The following IL12RB1 variants were observed in gnomAD, a reference collection of about 807,000 sequenced individuals.
IL12RB1 encodes interleukin 12 receptor subunit beta 1, also known as interleukin-12 receptor subunit beta-1.
IL12RB1 carries 64 observed loss-of-function variants against 94.4 expected under a neutral mutation model. That is an observed-to-expected ratio of 0.68 (90% CI 0.55 to 0.83). The LOEUF (loss-of-function observed/expected upper bound fraction) is 0.83. Among genes scored for constraint, IL12RB1 ranks in the 40% least tolerant of loss-of-function variants. IL12RB1 has a pLI of 0.00. For synonymous variants in IL12RB1, 362 were observed against 355.5 expected (o/e 1.02, Z -0.21); for missense variants, 814 against 855.6 (o/e 0.95, Z 0.61).
Position 18,068,466 on chromosome 19 carries a change from G to T in IL12RB1, c.1250C>A (p.Thr417Asn), listed in dbSNP as rs754764047. 6.2e-6 allele frequency: 10 copies of T among 1,611,184 alleles called. No homozygotes were observed. In the South Asian group the frequency reaches 8.8e-5, roughly 14 times the overall value. Reference sequence around the variant, plus strand: ...CTCGGGGTGCGCAGAGGCAAAGATGGTAATGTAGTAACACTTTTCCTGCCC... The same window carrying T: ...CTCGGGGTGCGCAGAGGCAAAGATGTTAATGTAGTAACACTTTTCCTGCCC... Reference protein sequence around the residue: ...AMGQEKCYYITIFASAHPEKL... With the variant: ...AMGQEKCYYINIFASAHPEKL... The change falls in exon 11 of 17, where the codon ACC (threonine) becomes AAC (asparagine). Residue 417 changes from threonine (T) to asparagine (N), a missense_variant. Thr to Asn is a moderately conservative substitution (Grantham distance 65). Transcript: ENST00000593993.
In IL12RB1 at chr19:18,063,861, A is replaced by T. The variant is rs767499649; in HGVS notation, c.1618+15T>A. The T allele has an allele frequency of 8.7e-6, 14 of 1,610,742 alleles. No homozygotes were observed. Among genetic ancestry groups the T allele is most frequent in the Admixed American group, 5.0e-5 (3 of 59,660 alleles). ...CATGCTGGGTAAATAACTGGGTCCT[A>T]CCCCCTCCACTCACCGATGCTGAAG... On this transcript the variant is annotated intron_variant, in intron 13 of 16. Coordinates refer to ENST00000593993, the MANE Select transcript of IL12RB1 (RefSeq NM_005535.3).
At chr19:18,067,336 A>G (rs1002634000) in intron 11 of IL12RB1, among the ~76,000 whole-genome samples, 33 of 124,448 alleles carry the variant, frequency 2.7e-4, no homozygotes, top group African/African-American at 7.8e-4. Flanking sequence ...GAAAAAAAAA[A>G]AAAAAAAAAA....
intron 7 of IL12RB1, among the ~76,000 whole-genome samples, chr19:18,075,252 C>CTTTTTTTTTTTTTTTTTTCT (rs71164363): frequency 1.1e-4 from 15 of 132,946 alleles, no homozygotes; most frequent in South Asian, 2.4e-4. Context: ...TTTATTATTA[C>CTTTTTTTTTTTTTTTTTTCT]TTTTTTTTTT....
rs1405798438 is a variant in IL12RB1, at chr19:18,059,900, C to G, written c.1977G>C (p.Lys659Asn). The G allele has an allele frequency of 1.3e-6, 2 of 1,574,530 alleles. No individual in the cohort carries two copies. The highest frequency in any genetic ancestry group is 2.3e-5 in the South Asian group (2 of 86,272). ...GCCCACTGGGCCCCAGGACCTTGGC[C>G]TTGCACCTGTCTCCATCCTCCAAGG... ...ELSLEDGDRCKAKM is the reference protein window; with the variant it reads ...ELSLEDGDRCNAKM Residue 659 changes from lysine to asparagine, a missense_variant, in exon 16 of 17, where the codon AAG becomes AAC. By Grantham distance (94) the Lys-to-Asn change is moderately conservative (BLOSUM62 0). Transcript: ENST00000593993.
At chr19:18,060,606 C>G (rs974390641) in intron 15 of IL12RB1, among the ~76,000 whole-genome samples, 6 of 152,102 alleles carry the variant, frequency 3.9e-5, no homozygotes, top group African/African-American at 1.4e-4. Flanking sequence ...GTTGACAGTG[C>G]AGTGACCCCA....
At chr19:18,087,710 G>A (rs549310585), upstream of IL12RB1, among the ~76,000 whole-genome samples, 1 of 149,680 alleles carries the variant, frequency 6.7e-6, no homozygotes, top group Admixed American at 6.6e-5. Flanking sequence ...TTTTAAGAGA[G>A]GGGGTTTTGC....
chr19:18,080,222 A>AT (rs1364130693), intron 4 of IL12RB1, among the ~76,000 whole-genome samples: 1 of 150,866 alleles, frequency 6.6e-6, no homozygotes, highest in South Asian at 2.1e-4. Flanking sequence ...CACCAGGCAA[A>AT]TTTTTTTGGC....
upstream of IL12RB1, among the ~76,000 whole-genome samples, chr19:18,088,615 T>A (rs1346716091): frequency 6.6e-6 from 1 of 150,632 alleles, no homozygotes; most frequent in Non-Finnish European, 1.5e-5. Context: ...CTTTCCCCCA[T>A]GTTCCATTTC....
intron 12 of IL12RB1, among the ~76,000 whole-genome samples, chr19:18,065,092 G>GC (rs2034485168): frequency 6.6e-6 from 1 of 152,166 alleles, no homozygotes; most frequent in Admixed American, 6.6e-5. Flanking sequence ...TGCCTGTGGG[G>GC]CGTCCCCACT....
chr19:18,068,675 T>C (rs2034778762), intron 10 of IL12RB1, 149 bp from the exon 11 acceptor site: 2 of 673,032 alleles, frequency 3.0e-6, no homozygotes, highest in Non-Finnish European at 5.3e-6. Context: ...CTCCAAGATC[T>C]CTTCCCTATG....
intron 10 of IL12RB1, among the ~76,000 whole-genome samples, chr19:18,068,777 C>T (rs1377389990): frequency 3.7e-5 from 5 of 135,196 alleles, no homozygotes; most frequent in African/African-American, 8.2e-5. Context: ...GAGATGGAGT[C>T]TCGCTGTGTC....
upstream of IL12RB1, among the ~76,000 whole-genome samples, chr19:18,090,041 G>C (rs979637647): frequency 6.6e-6 from 1 of 152,228 alleles, no homozygotes; most frequent in Non-Finnish European, 1.5e-5. Context: ...CAGAGACAGA[G>C]AAAGGGACAG....
chr19:18,070,600 T>C (rs184671668), intron 9 of IL12RB1: 41 of 883,708 alleles, frequency 4.6e-5, no homozygotes, highest in Middle Eastern at 1.2e-3. Context: ...ACCAACTGCA[T>C]GTGCCAAGCC....
Position 18,062,282 on chromosome 19 carries a change from G to A in IL12RB1, c.1619-5C>T. The A allele has an allele frequency of 6.3e-7, 1 of 1,597,402 alleles. No homozygotes were observed. The highest frequency in any genetic ancestry group is 8.6e-7 in the Non-Finnish European group (1 of 1,166,356). On this transcript the variant is annotated splice_polypyrimidine_tract_variant and splice_region_variant and intron_variant, in intron 13 of 16. Coordinates refer to ENST00000593993, the MANE Select transcript of IL12RB1 (RefSeq NM_005535.3). ...GCCAATCAGAAACCTGCACTTCTGA[G>A]GTGGGAGAGCGTGGGTTGGCAGAGG...
At chr19:18,069,093 G>A (rs1159819705) in intron 10 of IL12RB1, among the ~76,000 whole-genome samples, 1 of 152,156 alleles carries the variant, frequency 6.6e-6, no homozygotes, top group African/African-American at 2.4e-5. Context: ...TCCTCAGGCT[G>A]TGTATTCTTC....
chr19:18,070,046 G>C (rs1254521012), intron 9 of IL12RB1, among the ~76,000 whole-genome samples: 1 of 152,110 alleles, frequency 6.6e-6, no homozygotes, highest in African/African-American at 2.4e-5. Context: ...CTCCTGAGTA[G>C]CTGGGACCAC....
At chr19:18,091,537 G>T (rs2057317420), upstream of IL12RB1, 1 of 152,222 alleles carries the variant, frequency 6.6e-6, no homozygotes, top group Non-Finnish European at 1.5e-5. Context: ...TAACGTCGCT[G>T]AGGATCATCT....
chr19:18,086,445 C>T (rs1483076804), intron 1 of IL12RB1, among the ~76,000 whole-genome samples: 2 of 152,066 alleles, frequency 1.3e-5, no homozygotes, highest in African/African-American at 2.4e-5. Context: ...TTGTAAACTA[C>T]ATACATAAGA....
chr19:18,083,573 A>C (rs1043790625), intron 1 of IL12RB1, 82 bp from the exon 2 acceptor site: 16 of 1,410,006 alleles, frequency 1.1e-5, no homozygotes, highest in Non-Finnish European at 1.6e-5. Context: ...GTCTACACCC[A>C]AGTGATCATC....
Sources: allele counts gnomAD v4.1 joint callset (sites outside exome capture counted in the v4.1 genomes callset), GRCh38; gene constraint gnomAD v4.1.1; transcripts MANE v1.5; gene names NCBI Gene and HGNC (gene_info 2026-07-23, HGNC 2026-07-21).